The following ADARB2 variants were observed in gnomAD, a reference collection of about 807,000 sequenced individuals.
ADARB2 encodes inactive double-stranded RNA-specific editase B2.
A neutral mutation model predicts 62.2 loss-of-function variants in ADARB2; 25 were observed. The ratio of observed to expected loss-of-function variants is 0.40; its 90% confidence interval spans 0.29 to 0.56. The LOEUF (loss-of-function observed/expected upper bound fraction) is 0.56. Among genes scored for constraint, ADARB2 ranks in the 20% least tolerant of loss-of-function variants. ADARB2 has a pLI of 0.43. For missense variants in ADARB2, 1,071 were observed against 1,077.4 expected, an observed-to-expected ratio of 0.99 and a Z score of 0.08; for synonymous variants, 572 against 500.8, an observed-to-expected ratio of 1.14 and a Z score of -1.90.
At chr10:1,465,335 C>T (rs961901052) in intron 1 of ADARB2, among the ~76,000 whole-genome samples, 3 of 152,170 alleles carry the variant, frequency 2.0e-5, no homozygotes, top group Non-Finnish European at 2.9e-5. Flanking sequence ...GCACCGTGCA[C>T]CAAAGGACTG....
intron 4 of ADARB2, among the ~76,000 whole-genome samples, chr10:1,254,197 G>A (rs555701734): frequency 2.0e-5 from 3 of 151,376 alleles, no homozygotes; most frequent in East Asian, 3.9e-4. Context: ...TTAGGATGTG[G>A]TGGGCTCTGT....
chr10:1,226,915 C>T (rs944679835), intron 6 of ADARB2, among the ~76,000 whole-genome samples: 32 of 152,202 alleles, frequency 2.1e-4, no homozygotes, highest in Non-Finnish European at 3.4e-4. Flanking sequence ...AGAACCACTA[C>T]TCTCTTCAAA....
chr10:1,664,985 C>G (rs1055999160), intron 1 of ADARB2, among the ~76,000 whole-genome samples: 2 of 152,102 alleles, frequency 1.3e-5, no homozygotes, highest in Non-Finnish European at 2.9e-5. Context: ...AGAAAGAACA[C>G]CAGGGACCCA....
intron 6 of ADARB2, among the ~76,000 whole-genome samples, chr10:1,224,836 T>A (rs1240757183): frequency 6.6e-6 from 1 of 152,160 alleles, no homozygotes; most frequent in African/African-American, 2.4e-5. Flanking sequence ...TTACTTCCAA[T>A]TATGTGGTCA....
chr10:1,644,975 C>G (rs1400524581), intron 1 of ADARB2, among the ~76,000 whole-genome samples: 1 of 152,142 alleles, frequency 6.6e-6, no homozygotes, highest in Non-Finnish European at 1.5e-5. Flanking sequence ...AAAAAGAGGT[C>G]AAGGTAGACT....
chr10:1,676,605 C>T (rs1167871652), intron 1 of ADARB2, among the ~76,000 whole-genome samples: 2 of 152,124 alleles, frequency 1.3e-5, no homozygotes, highest in Non-Finnish European at 2.9e-5. Context: ...AATCCTCCTA[C>T]CTCGGCCTCT....
intron 3 of ADARB2, among the ~76,000 whole-genome samples, chr10:1,344,617 G>A (rs764687634): frequency 1.3e-5 from 2 of 152,214 alleles, no homozygotes; most frequent in East Asian, 1.9e-4. Context: ...ACAGGGAGTC[G>A]CACACGGACC....
At position 1,693,944 on chromosome 10, in the gene ADARB2, C is replaced by G. The variant is rs145200115; in HGVS notation, c.100+43107G>C. ...CCCACAGGGTTTCCCAAAGTGTGTA[C>G]CACGGAACACTAGTTCCTTGGAATG... On this transcript the variant is annotated intron_variant, in intron 1 of 9. Coordinates refer to ENST00000381312, the MANE Select transcript of ADARB2 (RefSeq NM_018702.4). Among the ~76,000 whole-genome samples, 86 of 152,332 alleles carry G rather than the reference C, an allele frequency of 5.6e-4. No homozygotes were observed. In the East Asian group the frequency reaches 0.016, roughly 29 times the overall value.
chr10:1,664,400 T>C (rs1307177784), intron 1 of ADARB2, among the ~76,000 whole-genome samples: 1 of 152,218 alleles, frequency 6.6e-6, no homozygotes, highest in Non-Finnish European at 1.5e-5. Flanking sequence ...CCACAGTGGC[T>C]GCACCATCCT....
At chr10:1,323,250 T>TAAAAAAA (rs201803705) in intron 3 of ADARB2, among the ~76,000 whole-genome samples, 1 of 130,460 alleles carries the variant, frequency 7.7e-6, no homozygotes, top group Non-Finnish European at 1.7e-5. Context: ...TTTGAAATTG[T>TAAAAAAA]AAAAAAAAAA....
chr10:1,588,569 T>C (rs1247232545), intron 1 of ADARB2, among the ~76,000 whole-genome samples: 1 of 152,182 alleles, frequency 6.6e-6, no homozygotes, highest in Non-Finnish European at 1.5e-5. Context: ...GAGTCACCCT[T>C]CTGCGGCTGG....
chr10:1,464,941 C>T (rs1439969127), intron 1 of ADARB2, among the ~76,000 whole-genome samples: 1 of 152,248 alleles, frequency 6.6e-6, no homozygotes, highest in African/African-American at 2.4e-5. Context: ...CCAAGACCCA[C>T]ACGGGACTGC....
At chr10:1,287,244 G>T (rs564726196) in intron 3 of ADARB2, among the ~76,000 whole-genome samples, 1 of 152,272 alleles carries the variant, frequency 6.6e-6, no homozygotes, top group East Asian at 1.9e-4. Flanking sequence ...TACATAGTTA[G>T]CCTTTTAGAG....
At chr10:1,514,366 G>A (rs556398165) in intron 1 of ADARB2, among the ~76,000 whole-genome samples, 35 of 151,658 alleles carry the variant, frequency 2.3e-4, no homozygotes, top group African/African-American at 8.0e-4. Flanking sequence ...GGTAACAGCC[G>A]TCAGTTCTCC....
At chr10:1,279,340 T>G (rs113425089) in intron 3 of ADARB2, among the ~76,000 whole-genome samples, 5 of 152,310 alleles carry the variant, frequency 3.3e-5, no homozygotes, top group African/African-American at 1.2e-4. Context: ...TTTTGAGACA[T>G]AGTCTCCCTC....
At chr10:1,684,335 C>CT (rs370943659) in intron 1 of ADARB2, among the ~76,000 whole-genome samples, 11 of 152,100 alleles carry the variant, frequency 7.2e-5, no homozygotes, top group Admixed American at 1.3e-4. Flanking sequence ...CCTAAAAACA[C>CT]TTTTTTTTCA....
intron 1 of ADARB2, among the ~76,000 whole-genome samples, chr10:1,518,256 A>C (rs1047468936): frequency 6.6e-6 from 1 of 152,218 alleles, no homozygotes; most frequent in Admixed American, 6.5e-5. Flanking sequence ...AAGTGAACTC[A>C]GAGCTGATCC....
intron 3 of ADARB2, among the ~76,000 whole-genome samples, chr10:1,332,373 A>T (rs746534520): frequency 1.3e-4 from 19 of 151,192 alleles, no homozygotes; most frequent in Non-Finnish European, 2.7e-4. Context: ...CTGGTGTTGC[A>T]CCACTGCATT....
chr10:1,376,519 G>A (rs1240886347), intron 2 of ADARB2, among the ~76,000 whole-genome samples: 1 of 152,180 alleles, frequency 6.6e-6, no homozygotes, highest in Non-Finnish European at 1.5e-5. Flanking sequence ...TCTTATGGGA[G>A]GGCAGGGGGA....
Sources: allele counts gnomAD v4.1 joint callset (sites outside exome capture counted in the v4.1 genomes callset), GRCh38; gene constraint gnomAD v4.1.1; transcripts MANE v1.5; gene names NCBI Gene and HGNC (gene_info 2026-07-23, HGNC 2026-07-21).